CCDC73: variants seen among roughly 807,000 people sequenced by gnomAD.
The protein encoded by CCDC73 is coiled-coil domain-containing protein 73.
CCDC73 carries 95 observed loss-of-function variants against 116.5 expected under a neutral mutation model. The ratio of observed to expected loss-of-function variants is 0.82; its 90% CI spans 0.69 to 0.97. CCDC73 has a LOEUF of 0.97. Among genes scored for constraint, CCDC73 ranks in the 50% least tolerant of loss-of-function variants. The pLI is 0.00. For missense variants in CCDC73, 1,066 were observed against 1,206.8 expected, an observed-to-expected ratio of 0.88 and a Z score of 1.73; for synonymous variants, 398 against 401.3, an observed-to-expected ratio of 0.99 and a Z score of 0.10.
intron 14 of CCDC73, among the ~76,000 whole-genome samples, chr11:32,619,292 C>T (rs1855501682): frequency 6.6e-6 from 1 of 152,152 alleles, no homozygotes; most frequent in African/African-American, 2.4e-5. Flanking sequence ...TATTCTAATG[C>T]ACATTTAGAT....
chr11:32,720,727 GA>G (rs2133334739), intron 2 of CCDC73, among the ~76,000 whole-genome samples: 1 of 152,222 alleles, frequency 6.6e-6, no homozygotes, highest in Non-Finnish European at 1.5e-5. Flanking sequence ...TTTTAACAAT[GA>G]ATATGCAGAA....
intron 9 of CCDC73, among the ~76,000 whole-genome samples, chr11:32,656,684 C>T (rs1389839461): frequency 3.3e-5 from 5 of 152,132 alleles, no homozygotes; most frequent in African/African-American, 1.2e-4. Flanking sequence ...TGGTTTTATG[C>T]TATAGTCTTG....
intron 1 of CCDC73, among the ~76,000 whole-genome samples, chr11:32,777,946 T>A (rs1430797219): frequency 6.6e-6 from 1 of 152,186 alleles, no homozygotes; most frequent in Non-Finnish European, 1.5e-5. Context: ...TGACTTGGTA[T>A]GTGTTTCTTG....
At chr11:32,603,303 CA>C (rs1182180133) in intron 17 of CCDC73, 1 of 282,472 alleles carries the variant, frequency 3.5e-6, no homozygotes, top group East Asian at 6.3e-5. Flanking sequence ...GTTGAAGAAA[CA>C]GGAAGGGCAG....
chr11:32,676,260 G>T (rs1175966240), intron 7 of CCDC73, among the ~76,000 whole-genome samples: 1 of 152,032 alleles, frequency 6.6e-6, no homozygotes, highest in Non-Finnish European at 1.5e-5. Flanking sequence ...GTCACTTCAG[G>T]TTATGTTTCC....
At chr11:32,661,203 G>A (rs1855919332) in intron 9 of CCDC73, among the ~76,000 whole-genome samples, 2 of 152,114 alleles carry the variant, frequency 1.3e-5, no homozygotes, top group Admixed American at 6.5e-5. Context: ...AGGAATATAA[G>A]GAGCTGGTAG....
At chr11:32,823,130 G>T in the CCDC73 span, among the ~76,000 whole-genome samples, 1 of 151,868 alleles carries the variant, frequency 6.6e-6, no homozygotes, top group African/African-American at 2.4e-5. Flanking sequence ...AAGGAAAAAG[G>T]ATGAAAGACA....
intron 17 of CCDC73, among the ~76,000 whole-genome samples, chr11:32,609,779 C>T (rs1325006360): frequency 3.3e-5 from 5 of 151,866 alleles, no homozygotes; most frequent in African/African-American, 4.8e-5. Flanking sequence ...AAGGCAAAGG[C>T]AATTTTTTTT....
At chr11:32,630,311 G>GT (rs1294962405) in intron 14 of CCDC73, among the ~76,000 whole-genome samples, 1 of 152,128 alleles carries the variant, frequency 6.6e-6, no homozygotes, top group East Asian at 1.9e-4. Context: ...CCTGCTGCCT[G>GT]TTTTTTTGTT....
intron 14 of CCDC73, among the ~76,000 whole-genome samples, chr11:32,627,629 A>G (rs903606567): frequency 9.9e-5 from 15 of 152,254 alleles, no homozygotes; most frequent in South Asian, 4.1e-4. Context: ...ACCATGGAAT[A>G]CTATGCAGCC....
At chr11:32,681,671 C>T (rs1856146984) in intron 7 of CCDC73, 1 of 151,936 alleles carries the variant, frequency 6.6e-6, no homozygotes, top group African/African-American at 2.4e-5. Context: ...TGCCTTCACA[C>T]TAGTGGCTAT....
At chr11:32,660,280 T>G (rs1388684191) in intron 9 of CCDC73, among the ~76,000 whole-genome samples, 2 of 147,838 alleles carry the variant, frequency 1.4e-5, no homozygotes, top group Non-Finnish European at 3.0e-5. Context: ...TTAACCACTT[T>G]CAAATCACGC....
At chr11:32,737,273 G>GTGTATA (rs1341655491) in intron 2 of CCDC73, among the ~76,000 whole-genome samples, 3 of 131,644 alleles carry the variant, frequency 2.3e-5, no homozygotes, top group African/African-American at 8.7e-5. Context: ...GTGTGTGTGT[G>GTGTATA]TATATACATG....
chr11:32,722,856 A>G (rs1244292364), intron 2 of CCDC73, among the ~76,000 whole-genome samples: 1 of 152,178 alleles, frequency 6.6e-6, no homozygotes. Flanking sequence ...ATAATGAGGT[A>G]GGTTCTCTTA....
At chr11:32,697,569 T>C (rs2133310842) in intron 6 of CCDC73, among the ~76,000 whole-genome samples, 1 of 147,438 alleles carries the variant, frequency 6.8e-6, no homozygotes, top group African/African-American at 2.5e-5. Context: ...CTGCAACCTC[T>C]GCCTCCCAGA....
intron 9 of CCDC73, among the ~76,000 whole-genome samples, chr11:32,663,952 C>T (rs1394369884): frequency 1.3e-5 from 2 of 152,196 alleles, no homozygotes; most frequent in African/African-American, 2.4e-5. Flanking sequence ...TGGTTTATGT[C>T]GTTGGTTCTG....
intron 9 of CCDC73, among the ~76,000 whole-genome samples, chr11:32,668,012 T>C (rs929814932): frequency 6.6e-6 from 1 of 152,194 alleles, no homozygotes; most frequent in African/African-American, 2.4e-5. Flanking sequence ...ACTTAATAAC[T>C]TCATTTTGCT....
chr11:32,761,467 G>A (rs887361972), intron 1 of CCDC73, among the ~76,000 whole-genome samples: 3 of 152,022 alleles, frequency 2.0e-5, no homozygotes, highest in Non-Finnish European at 4.4e-5. Context: ...TAAAATTGTT[G>A]GGTTGAGTGA....
intron 2 of CCDC73, among the ~76,000 whole-genome samples, chr11:32,724,843 C>T (rs924746601): frequency 4.6e-5 from 7 of 152,168 alleles, no homozygotes; most frequent in South Asian, 2.1e-4. Flanking sequence ...TGTGCATCCC[C>T]ACTCCTTATC....
Sources: gnomAD v4.1 joint callset for allele counts (sites outside exome capture counted in the v4.1 genomes callset) on GRCh38, gnomAD v4.1.1 for gene constraint, MANE v1.5 for transcripts, NCBI Gene and HGNC (gene_info 2026-07-23, HGNC 2026-07-21) for gene names.